The following ACRBP variants were observed in gnomAD, a reference collection of about 807,000 sequenced individuals.
ACRBP encodes the protein acrosin-binding protein.
ACRBP carries 52 observed loss-of-function variants against 69.0 expected under a neutral mutation model. That is an observed-to-expected ratio of 0.75 (90% CI 0.60 to 0.95). The LOEUF (loss-of-function observed/expected upper bound fraction) is 0.95. Among genes scored for constraint, ACRBP ranks in the 40% least tolerant of loss-of-function variants. The pLI is 0.00. For missense variants in ACRBP, 604 were observed against 673.0 expected (o/e 0.90, Z 1.13); for synonymous variants, 267 against 258.9 (o/e 1.03, Z -0.30).
rs1259062530 is a variant in ACRBP at position 6,640,022 on chromosome 12, G to T, written c.1425+38C>A. On this transcript the variant is annotated intron_variant, in intron 8 of 9. Transcript: ENST00000229243. The surrounding 1 kb of genome is among the most constrained non-coding windows in gnomAD (Gnocchi z 5.3). ...AAGTAACTGGAAGGAATGGGGTGAG[G>T]GTAGGGATGGGGCTGAGCTTTGGGG... The T allele has an allele frequency of 2.5e-6, 4 of 1,610,204 alleles. No homozygotes were observed. In the African/African-American group the frequency reaches 5.3e-5, roughly 22 times the overall value.
At chr12:6,646,252 A>C (rs886287714) in intron 3 of ACRBP, among the ~76,000 whole-genome samples, 1 of 151,746 alleles carries the variant, frequency 6.6e-6, no homozygotes, top group African/African-American at 2.4e-5. Flanking sequence ...GATTACAGGC[A>C]TGAGCCACCA....
rs1949047414 is a variant in ACRBP, at chr12:6,640,872, A to G, written c.1078-350T>C. Among the ~76,000 whole-genome samples, 1 of 152,134 alleles carries G rather than the reference A, an allele frequency of 6.6e-6. No individual in the cohort carries two copies. Among genetic ancestry groups the G allele is most frequent in the South Asian group, 2.1e-4 (1 of 4,832 alleles). ...GGTGATCTTACAGATACCCCAACTTAGCCTATCTGAAAAGAACTCATAACC... is the reference window on the plus strand; with the variant it reads ...GGTGATCTTACAGATACCCCAACTTGGCCTATCTGAAAAGAACTCATAACC... On this transcript the variant is annotated intron_variant, in intron 6 of 9. Transcript: ENST00000229243. This position sits in a 1 kb window ranked among gnomAD's most constrained non-coding sequence, Gnocchi z 5.3.
At chr12:6,645,588 C>T (rs776600442) in intron 3 of ACRBP, among the ~76,000 whole-genome samples, 4 of 152,056 alleles carry the variant, frequency 2.6e-5, no homozygotes, top group African/African-American at 4.8e-5. Context: ...TTCGAAGAAA[C>T]GTAAGGGCTT....
intron 6 of ACRBP, 26 bp downstream of exon 6, chr12:6,643,513 T>G: frequency 6.2e-7 from 1 of 1,613,084 alleles, no homozygotes; most frequent in Non-Finnish European, 8.5e-7. Context: ...GTGGCATGTA[T>G]CCATTAGACA....
intron 5 of ACRBP, 75 bp from the exon 6 acceptor site, chr12:6,643,746 T>C (rs569591906): frequency 8.9e-6 from 14 of 1,573,178 alleles, no homozygotes; most frequent in Non-Finnish European, 1.1e-5. Flanking sequence ...TCTCTTCCCC[T>C]TCCCTTAGTG....
chr12:6,644,064 A>C lies in ACRBP; in HGVS notation c.944+73T>G. On this transcript the variant is annotated intron_variant, in intron 5 of 9. Transcript: ENST00000229243. ...AGTGGATCTGGAGGCTGAAGCTAGG[A>C]AAATGGGCTTCTCACTCCCAAGAAA... The C allele has an allele frequency of 3.3e-6, 5 of 1,519,718 alleles. No homozygotes were observed. The South Asian group carries it at 5.4e-5, about 16-fold the overall frequency. 94.1% of individuals were successfully genotyped at this position (1,519,718 alleles called of 1,614,324 possible).
chr12:6,641,933 C>A (rs1949055983), intron 6 of ACRBP, among the ~76,000 whole-genome samples: 1 of 152,174 alleles, frequency 6.6e-6, no homozygotes, highest in Non-Finnish European at 1.5e-5. Flanking sequence ...ATAGCCTTTG[C>A]ACATACTATT....
chr12:6,640,448 C>G lies in ACRBP; in HGVS notation c.1152G>C (p.Gln384His), dbSNP rs1361050192. 6.2e-7 allele frequency: 1 copy of G among 1,614,070 alleles called. No individual in the cohort carries two copies. Among genetic ancestry groups the G allele is most frequent in the Non-Finnish European group, 8.5e-7 (1 of 1,180,034 alleles). ...LCDFCSLKLE[Q>H]CHSEASLQRQ... ...GCTGCAGGCTGGCCTCTGAGTGGCA[C>G]TGCTCCAGCTTCAAGGAGCAGAAGT... Residue 384 changes from glutamine (Q) to histidine (H), a missense_variant, in exon 7 of 10, where the codon CAG (glutamine) becomes CAC (histidine). Transcript: ENST00000229243. The surrounding 1 kb of genome is among the most constrained non-coding windows in gnomAD (Gnocchi z 5.3).
chr12:6,645,149 ATGCCTTACGTTG>A lies in ACRBP; in HGVS notation c.475+59_475+70del, dbSNP rs141212919. On this transcript the variant is annotated intron_variant, in intron 4 of 9. Coordinates refer to ENST00000229243, the MANE Select transcript of ACRBP (RefSeq NM_032489.3). ...CATGCTTCCCATTTCCCTGCCATGG[ATGCCTTACGTTG>A]TGGGCTCTGGGAGTTGTGGGAGTAG... 7.7e-4 allele frequency: 934 copies of A among 1,209,716 alleles called. 7 individuals carry two copies. In the African/African-American group the frequency reaches 0.013, roughly 17 times the overall value. The allele number at this position is 1,209,716 out of a possible 1,614,324, so 74.9% of individuals were successfully genotyped here.
chr12:6,639,794 G>T (rs574488603), intron 8 of ACRBP, among the ~76,000 whole-genome samples: 2 of 152,326 alleles, frequency 1.3e-5, no homozygotes, highest in African/African-American at 4.8e-5. Context: ...CAGCCACCCA[G>T]CAAGTAACTG....
intron 8 of ACRBP, 21 bp from the exon 9 acceptor site, chr12:6,639,058 A>C: frequency 1.2e-6 from 2 of 1,604,180 alleles, no homozygotes; most frequent in Non-Finnish European, 1.7e-6. Flanking sequence ...AGCCAGAGAG[A>C]GGGAAGAGGG....
Position 6,646,495 on chromosome 12 carries a change from G to A in ACRBP, c.345C>T (p.Val115=). 6.2e-7 allele frequency: 1 copy of A among 1,614,070 alleles called. No homozygotes were observed. The highest frequency in any genetic ancestry group is 2.2e-5 in the East Asian group (1 of 44,864). Residue 115 remains valine (V), a synonymous_variant, in exon 3 of 10, where the codon GTC becomes GTT. Transcript: ENST00000229243. Reference sequence around the variant, plus strand: ...TCCTGGGCCTCACCTTGGCATAGTAGACGTGGTTGGAGCAACGGTAGTGAG... The same window carrying A: ...TCCTGGGCCTCACCTTGGCATAGTAAACGTGGTTGGAGCAACGGTAGTGAG... ...QFTHYRCSNH[V]YYAKRVLCSQ...
Position 6,638,212 on chromosome 12 carries a change from G to A in ACRBP, c.*70C>T. 6.3e-7 allele frequency: 1 copy of A among 1,589,264 alleles called. No individual in the cohort carries two copies. Among genetic ancestry groups the A allele is most frequent in the Non-Finnish European group, 8.6e-7 (1 of 1,164,264 alleles). Reference sequence around the variant, plus strand: ...CAGACCCAGAAGGGGCAGCCTGAAAGCAATGGGGTCTCAAAACAATAGAGA... The same window carrying A: ...CAGACCCAGAAGGGGCAGCCTGAAAACAATGGGGTCTCAAAACAATAGAGA... On this transcript the variant is annotated 3_prime_UTR_variant, in exon 10 of 10. Transcript: ENST00000229243.
rs1425903471 is a variant in ACRBP, at chr12:6,647,424, C to T, written c.-58G>A. ...ACAAGCCGCCTCTAACGGGCCAAGC[C>T]GCAGAGAGAGCCGCAGGCGCGGGGC... On this transcript the variant is annotated 5_prime_UTR_variant, in exon 1 of 10. Coordinates refer to ENST00000229243, the MANE Select transcript of ACRBP (RefSeq NM_032489.3). The T allele has an allele frequency of 6.8e-7, 1 of 1,462,012 alleles. No individual in the cohort carries two copies. The highest frequency in any genetic ancestry group is 1.4e-5 in the African/African-American group (1 of 69,218). The allele number at this position is 1,462,012 out of a possible 1,614,324, so 90.6% of individuals were successfully genotyped here. A position where few individuals can be genotyped will look rare whatever the true frequency, so the allele number is the denominator to read the frequency against.
intron 9 of ACRBP, 40 bp from the exon 10 acceptor site, chr12:6,638,444 C>G: frequency 6.2e-7 from 1 of 1,612,462 alleles, no homozygotes; most frequent in Non-Finnish European, 8.5e-7. Context: ...TATCACAGAG[C>G]CAGGTGCCAG....
chr12:6,640,790 T>G lies in ACRBP; in HGVS notation c.1078-268A>C, dbSNP rs1170332970. 6.6e-6 allele frequency among the ~76,000 whole-genome samples: 1 copy of G among 152,132 alleles called. No homozygotes were observed. The highest frequency in any genetic ancestry group is 2.4e-5 in the African/African-American group (1 of 41,420). ...CCCAAATCTTTATCACCAGCTCTGA[T>G]CTCTCTCTTGGGCTCCAAATCCTCA... On this transcript the variant is annotated intron_variant, in intron 6 of 9. Transcript: ENST00000229243. This position sits in a 1 kb window ranked among gnomAD's most constrained non-coding sequence, Gnocchi z 5.3.
chr12:6,645,035 C>G (rs1949078016), intron 4 of ACRBP, among the ~76,000 whole-genome samples, 185 bp downstream of exon 4: 1 of 152,220 alleles, frequency 6.6e-6, no homozygotes, highest in Admixed American at 6.5e-5. Flanking sequence ...AGAAGAGATT[C>G]TGGTCCAGGA....
At chr12:6,639,896 G>A (rs1011558495) in intron 8 of ACRBP, among the ~76,000 whole-genome samples, 164 bp downstream of exon 8, 1 of 151,720 alleles carries the variant, frequency 6.6e-6, no homozygotes, top group Admixed American at 6.6e-5. Context: ...GGTGGGGTGG[G>A]GTGCAATGGT....
chr12:6,638,658 A>T, intron 9 of ACRBP: 1 of 1,395,110 alleles, frequency 7.2e-7, no homozygotes, highest in Non-Finnish European at 9.4e-7. Flanking sequence ...CTTGGTGAGT[A>T]AGAAGAGGAG....
Sources: allele counts gnomAD v4.1 joint callset (sites outside exome capture counted in the v4.1 genomes callset), GRCh38; gene constraint gnomAD v4.1.1; non-coding constraint Gnocchi (gnomAD v3.1); transcripts MANE v1.5; gene names NCBI Gene and HGNC (gene_info 2026-07-23, HGNC 2026-07-21).